Variants in LIMCH1 observed in about 807,000 individuals in gnomAD.
LIMCH1 encodes the protein LIM and calponin homology domains-containing protein 1.
LIMCH1 carries 113 observed loss-of-function variants against 176.5 expected under a neutral mutation model. The ratio of observed to expected loss-of-function variants is 0.64; its 90% CI spans 0.55 to 0.75. LIMCH1 has a LOEUF of 0.75. Among genes scored for constraint, LIMCH1 ranks in the 30% least tolerant of loss-of-function variants. The pLI, the probability that LIMCH1 is intolerant of heterozygous loss-of-function variation, is 0.00. For missense variants in LIMCH1, 1,674 were observed against 1,814.9 expected (o/e 0.92, Z 1.41); for synonymous variants, 619 against 645.9 (o/e 0.96, Z 0.63).
chr4:41,670,713 T>G (rs2094985469), intron 21 of LIMCH1: 12 of 1,533,642 alleles, frequency 7.8e-6, no homozygotes, highest in Non-Finnish European at 1.0e-5. Context: ...TGCCATCTGA[T>G]CTAGAGTCGC....
intron 28 of LIMCH1, among the ~76,000 whole-genome samples, chr4:41,686,270 C>T (rs1053566555): frequency 3.3e-5 from 5 of 152,144 alleles, no homozygotes; most frequent in African/African-American, 9.7e-5. Flanking sequence ...TAGTTTCTAT[C>T]GTGTTTGAAC....
intron 1 of LIMCH1, among the ~76,000 whole-genome samples, chr4:41,433,874 G>A (rs1045796783): frequency 2.6e-5 from 4 of 152,074 alleles, no homozygotes; most frequent in African/African-American, 4.8e-5. Context: ...AGGAGGAAAC[G>A]AATTGATGGC....
chr4:41,687,739 G>GTTTTA, intron 28 of LIMCH1, 101 bp from the exon 29 acceptor site: 1 of 736,766 alleles, frequency 1.4e-6, no homozygotes, highest in Non-Finnish European at 2.2e-6. Context: ...TGTCACAAAA[G>GTTTTA]TTTTATTTTA....
intron 1 of LIMCH1, among the ~76,000 whole-genome samples, chr4:41,419,199 A>C: frequency 6.7e-6 from 1 of 150,374 alleles, no homozygotes; most frequent in Admixed American, 6.6e-5. Flanking sequence ...TTATTTTGAG[A>C]CGGAGTCTAG....
At chr4:41,593,518 G>A (rs1168088040) in intron 1 of LIMCH1, among the ~76,000 whole-genome samples, 1 of 152,192 alleles carries the variant, frequency 6.6e-6, no homozygotes, top group Non-Finnish European at 1.5e-5. Flanking sequence ...TTTTACCAAT[G>A]AAGTCACAAT....
chr4:41,391,167 G>A (rs1268313983), intron 1 of LIMCH1, among the ~76,000 whole-genome samples: 1 of 152,170 alleles, frequency 6.6e-6, no homozygotes, highest in African/African-American at 2.4e-5. Context: ...GATTATTCTT[G>A]GATTCAACTC....
At chr4:41,696,144 C>G (rs989626271) in intron 31 of LIMCH1, among the ~76,000 whole-genome samples, 1 of 152,114 alleles carries the variant, frequency 6.6e-6, no homozygotes, top group Admixed American at 6.5e-5. Flanking sequence ...AAATAGCATA[C>G]CAGCATATTA....
chr4:41,575,658 C>T (rs1214634689), intron 1 of LIMCH1, among the ~76,000 whole-genome samples: 1 of 152,154 alleles, frequency 6.6e-6, no homozygotes, highest in East Asian at 1.9e-4. Context: ...TTTTAAAACA[C>T]ATTTTGGCAA....
In LIMCH1 at chr4:41,613,494, G is replaced by A. The variant is rs763430404; in HGVS notation, c.38G>A (p.Arg13His). ...ACTGATGACATTGAAAGTCCTAAAC[G>A]CAGTATCCGAGACAGTGGCTACATC... ...KDTDDIESPK[R>H]SIRDSGYIDC... Residue 13 changes from arginine (R) to histidine (H), a missense_variant, in exon 5 of 32, where the codon CGC (arginine) becomes CAC (histidine). By Grantham distance (29) the Arg-to-His change is conservative (BLOSUM62 0). Around this residue, in one of 3 missense-constraint regions of LIMCH1, gnomAD observed 655 missense variants for 692.2 expected, o/e 0.95. Coordinates refer to ENST00000503057, the MANE Select transcript of LIMCH1 (RefSeq NM_001330672.2). 4 of 1,614,004 alleles carry A rather than the reference G, an allele frequency of 2.5e-6. No individual in the cohort carries two copies. The highest frequency in any genetic ancestry group is 3.4e-6 in the Non-Finnish European group (4 of 1,179,970).
At position 41,629,540 on chromosome 4, in the gene LIMCH1, G is replaced by A. The variant is rs1585059457; in HGVS notation, c.1077G>A (p.Met359Ile). 1 of 1,536,092 alleles carries A rather than the reference G, an allele frequency of 6.5e-7. No individual in the cohort carries two copies. The highest frequency in any genetic ancestry group is 8.7e-7 in the Non-Finnish European group (1 of 1,146,910). The change falls in exon 9 of 32, where the codon ATG (methionine) becomes ATA (isoleucine). Residue 359 changes from methionine (M) to isoleucine (I), a missense_variant. Met to Ile is a conservative substitution (Grantham distance 10). This residue lies in a region of LIMCH1 where 655 missense variants were observed against 692.2 expected (regional missense o/e 0.95). Transcript: ENST00000503057. ...EEVKLIVTCN[M>I]RAQESEPVEG... ...TGAAGTTGATAGTGACCTGTAACAT[G>A]AGGGCTCAGGAAAGTGAACCTGTGG... is the stretch of plus-strand genomic sequence containing the variant.
At chr4:41,534,332 G>A (rs2077644625), upstream of LIMCH1, among the ~76,000 whole-genome samples, 1 of 152,148 alleles carries the variant, frequency 6.6e-6, no homozygotes, top group South Asian at 2.1e-4. Flanking sequence ...TAAGACACTG[G>A]CAATGAAAAA....
At chr4:41,601,636 A>G (rs1250145497) in intron 2 of LIMCH1, among the ~76,000 whole-genome samples, 3 of 152,210 alleles carry the variant, frequency 2.0e-5, no homozygotes, top group Non-Finnish European at 4.4e-5. Flanking sequence ...GAGAAAAAAC[A>G]TTTTACTGTA....
intron 22 of LIMCH1, among the ~76,000 whole-genome samples, chr4:41,674,853 A>T (rs988553975): frequency 6.6e-6 from 1 of 152,200 alleles, no homozygotes; most frequent in Non-Finnish European, 1.5e-5. Context: ...CCAACTCCAT[A>T]TTGCTTTTGT....
At chr4:41,629,387 T>A in intron 8 of LIMCH1, 105 bp from the exon 9 acceptor site, 1 of 1,312,870 alleles carries the variant, frequency 7.6e-7, no homozygotes. Flanking sequence ...ATCATTTTGT[T>A]CTGTCCTCAG....
chr4:41,514,005 T>TAAAAAAA (rs71198665), intron 2 of LIMCH1, among the ~76,000 whole-genome samples: 131 of 48,516 alleles, frequency 2.7e-3, no homozygotes, highest in East Asian at 8.2e-3. Context: ...GACTCCGTCT[T>TAAAAAAA]AAAAAAAAAA....
At chr4:41,644,114 T>C (rs2093948121) in intron 14 of LIMCH1, among the ~76,000 whole-genome samples, 1 of 152,156 alleles carries the variant, frequency 6.6e-6, no homozygotes, top group Admixed American at 6.5e-5. Flanking sequence ...TCTACCCAGG[T>C]TATACCTTTT....
At chr4:41,575,048 A>G (rs969578070) in intron 1 of LIMCH1, among the ~76,000 whole-genome samples, 1 of 152,204 alleles carries the variant, frequency 6.6e-6, no homozygotes, top group Admixed American at 6.5e-5. Context: ...ACACACCCAC[A>G]CACACACACA....
chr4:41,447,590 C>T (rs539812630), intron 1 of LIMCH1, among the ~76,000 whole-genome samples: 8 of 152,258 alleles, frequency 5.3e-5, no homozygotes, highest in South Asian at 2.1e-4. Context: ...ATATGTTAAT[C>T]GTCACATCTT....
At chr4:41,471,709 C>T (rs2066984543) in intron 1 of LIMCH1, among the ~76,000 whole-genome samples, 1 of 152,200 alleles carries the variant, frequency 6.6e-6, no homozygotes, top group Non-Finnish European at 1.5e-5. Flanking sequence ...TGCTGTGTTC[C>T]TCAATTCAGT....
Sources: gnomAD v4.1 joint callset for allele counts (sites outside exome capture counted in the v4.1 genomes callset) on GRCh38, gnomAD v4.1.1 for gene constraint, gnomAD v4.1.1 regional missense constraint, MANE v1.5 for transcripts, NCBI Gene and HGNC (gene_info 2026-07-23, HGNC 2026-07-21) for gene names.